TRMT9B: variants seen among roughly 807,000 people sequenced by gnomAD.
TRMT9B encodes tRNA methyltransferase 9B (putative).
TRMT9B carries 16 observed loss-of-function variants against 11.5 expected under a neutral mutation model. The ratio of observed to expected loss-of-function variants is 1.39; its 90% CI spans 0.94 to 2.11. The LOEUF (loss-of-function observed/expected upper bound fraction) is 2.11, where lower values mean the gene tolerates loss of function less well. Among genes scored for constraint, TRMT9B ranks in the 30% most tolerant of loss-of-function variants. The probability of loss-of-function intolerance (pLI) is 0.00; values close to 1 mark genes in which losing one functional copy is unlikely to be tolerated. For synonymous variants in TRMT9B, 274 were observed against 192.4 expected, an observed-to-expected ratio of 1.42 and a Z score of -3.51; for missense variants, 941 against 553.8, an observed-to-expected ratio of 1.70 and a Z score of -7.02.
chr8:12,958,582 T>G (rs554480281), intron 1 of TRMT9B: 41 of 165,630 alleles, frequency 2.5e-4, no homozygotes, highest in Non-Finnish European at 4.7e-4. Flanking sequence ...AGCTAGTTTT[T>G]CTGTCACAAC....
In TRMT9B at chr8:13,027,628, A is replaced by G. The variant is rs1814845284; in HGVS notation, c.*5584A>G. 2 of 167,228 alleles carry G rather than the reference A, an allele frequency of 1.2e-5. No homozygotes were observed. Among genetic ancestry groups the G allele is most frequent in the South Asian group, 2.1e-4 (1 of 4,822 alleles). The allele number at this position is 167,228 out of a possible 1,614,324, so 10.4% of individuals were successfully genotyped here. On this transcript the variant is annotated 3_prime_UTR_variant, in exon 5 of 5. Coordinates refer to ENST00000524591, the MANE Select transcript of TRMT9B (RefSeq NM_020844.3). Reference sequence around the variant, plus strand: ...AGACAAAGCTTTCATAAGAAATTACATAATGACAAGTAATTCCCACATTCC... The same window carrying G: ...AGACAAAGCTTTCATAAGAAATTACGTAATGACAAGTAATTCCCACATTCC...
intron 1 of TRMT9B, among the ~76,000 whole-genome samples, chr8:12,989,807 T>C (rs984277384): frequency 6.6e-6 from 1 of 152,232 alleles, no homozygotes; most frequent in South Asian, 2.1e-4. Flanking sequence ...TAAGATGCTT[T>C]GGTAGCTCTT....
chr8:12,953,760 A>G (rs1800946041), intron 1 of TRMT9B, among the ~76,000 whole-genome samples: 1 of 152,208 alleles, frequency 6.6e-6, no homozygotes, highest in South Asian at 2.1e-4. Context: ...TCATAGCAAG[A>G]AAATCACTTG....
chr8:12,959,430 C>A (rs182945831), intron 1 of TRMT9B, among the ~76,000 whole-genome samples: 3 of 151,158 alleles, frequency 2.0e-5, no homozygotes, highest in Non-Finnish European at 2.9e-5. Context: ...TATGTCCATG[C>A]AAATATGCCA....
chr8:12,994,675 C>A (rs867165153), intron 2 of TRMT9B, among the ~76,000 whole-genome samples: 4 of 152,086 alleles, frequency 2.6e-5, no homozygotes, highest in Admixed American at 2.6e-4. Context: ...CGACAAGAAA[C>A]GAACATTTTC....
Position 13,025,370 on chromosome 8 carries a change from T to C in TRMT9B, c.*3326T>C, listed in dbSNP as rs1462838572. The C allele has an allele frequency of 6.2e-6, 1 of 160,294 alleles. No individual in the cohort carries two copies. 9.9% of individuals were successfully genotyped at this position (160,294 alleles called of 1,614,324 possible). ...CCCGTCTTTATTAAATACAAAAAAT[T>C]AGCCAGGTTGGTGGCGCATGCCTGT... is the stretch of plus-strand genomic sequence containing the variant. On this transcript the variant is annotated 3_prime_UTR_variant, in exon 5 of 5. Coordinates refer to ENST00000524591, the MANE Select transcript of TRMT9B (RefSeq NM_020844.3).
intron 2 of TRMT9B, among the ~76,000 whole-genome samples, chr8:12,995,862 C>T (rs1055799231): frequency 6.6e-6 from 1 of 152,092 alleles, no homozygotes; most frequent in Non-Finnish European, 1.5e-5. Flanking sequence ...CAGATTTTTC[C>T]AATAACTGCA....
chr8:13,021,534 G>C lies in TRMT9B; in HGVS notation c.855G>C (p.Gln285His). Residue 285 changes from glutamine (Q) to histidine (H), a missense_variant, in exon 5 of 5, where the codon CAG becomes CAC. By Grantham distance (24) the Gln-to-His change is conservative (BLOSUM62 0). Coordinates refer to ENST00000524591, the MANE Select transcript of TRMT9B (RefSeq NM_020844.3). ...EVWASSTVTV[Q>H]PSRHSSLDFD... ...GGGCCAGTAGCACTGTAACAGTCCA[G>C]CCTTCCAGACACTCTAGTTTAGACT... The C allele has an allele frequency of 3.1e-6, 5 of 1,613,840 alleles. No homozygotes were observed. The highest frequency in any genetic ancestry group is 4.2e-6 in the Non-Finnish European group (5 of 1,179,768).
chr8:12,985,331 T>C (rs1349754487), intron 1 of TRMT9B, among the ~76,000 whole-genome samples: 2 of 152,208 alleles, frequency 1.3e-5, no homozygotes, highest in Admixed American at 6.5e-5. Context: ...CAGCTGTTCC[T>C]TTCCTTAGCA....
intron 1 of TRMT9B, among the ~76,000 whole-genome samples, chr8:12,973,455 A>G (rs556402773): frequency 7.9e-5 from 12 of 152,306 alleles, no homozygotes; most frequent in Middle Eastern, 3.4e-3. Flanking sequence ...GCCTGAAAAA[A>G]TCTAAAGGCT....
At chr8:13,005,989 A>G (rs2128890160) in intron 2 of TRMT9B, among the ~76,000 whole-genome samples, 1 of 152,360 alleles carries the variant, frequency 6.6e-6, no homozygotes. Context: ...GTTTTCCTTA[A>G]CATGGCAGGT....
intron 1 of TRMT9B, among the ~76,000 whole-genome samples, chr8:12,965,534 G>T (rs73204884): frequency 1.3e-5 from 2 of 152,268 alleles, no homozygotes; most frequent in African/African-American, 2.4e-5. Context: ...AAACTCATTA[G>T]TCCAAAGCTG....
chr8:12,997,026 A>G (rs576789699), intron 2 of TRMT9B, among the ~76,000 whole-genome samples: 7 of 137,844 alleles, frequency 5.1e-5, no homozygotes, highest in Non-Finnish European at 7.9e-5. Flanking sequence ...TCTTTGATCT[A>G]TCTATGGGCT....
chr8:13,000,917 C>T (rs1228008265), intron 2 of TRMT9B, among the ~76,000 whole-genome samples: 1 of 152,042 alleles, frequency 6.6e-6, no homozygotes, highest in East Asian at 1.9e-4. Context: ...AAATGAAGTA[C>T]CTCAGGACGC....
intron 1 of TRMT9B, among the ~76,000 whole-genome samples, chr8:12,965,633 C>T (rs2128865374): frequency 6.6e-6 from 1 of 150,866 alleles, no homozygotes; most frequent in Middle Eastern, 3.4e-3. Flanking sequence ...TTTTTTAAGC[C>T]CAAGGTAGAC....
intron 4 of TRMT9B, among the ~76,000 whole-genome samples, chr8:13,017,804 G>T: frequency 6.7e-6 from 1 of 150,316 alleles, no homozygotes; most frequent in Non-Finnish European, 1.5e-5. Flanking sequence ...TTATTTTTTT[G>T]GTAGAGATGG....
At chr8:13,018,562 A>G (rs1027757130) in intron 4 of TRMT9B, among the ~76,000 whole-genome samples, 1 of 152,152 alleles carries the variant, frequency 6.6e-6, no homozygotes, top group African/African-American at 2.4e-5. Flanking sequence ...AATTATCATT[A>G]TCTACAGTAG....
In TRMT9B at chr8:13,022,086, T is replaced by C; in HGVS notation, c.*42T>C. The C allele has an allele frequency of 2.1e-6, 3 of 1,405,674 alleles. No individual in the cohort carries two copies. In the South Asian group the frequency reaches 4.3e-5, roughly 20 times the overall value. 87.1% of individuals were successfully genotyped at this position (1,405,674 alleles called of 1,614,324 possible). A position where few individuals can be genotyped will look rare whatever the true frequency, so the allele number is the denominator to read the frequency against. On this transcript the variant is annotated 3_prime_UTR_variant, in exon 5 of 5. Transcript: ENST00000524591. The stretch of plus-strand genomic sequence containing the variant: ...AACTCCTCCAAAAGATGAACCACAT[T>C]CTTTCCTCTTGGTTTGATATGGTTA...
At chr8:12,968,036 C>G (rs985425230) in intron 1 of TRMT9B, among the ~76,000 whole-genome samples, 11 of 152,182 alleles carry the variant, frequency 7.2e-5, no homozygotes, top group African/African-American at 2.7e-4. Flanking sequence ...AGGCACACAC[C>G]ACCACACCCA....
Sources: gnomAD v4.1 joint callset for allele counts (sites outside exome capture counted in the v4.1 genomes callset) on GRCh38, gnomAD v4.1.1 for gene constraint, MANE v1.5 for transcripts, NCBI Gene and HGNC (gene_info 2026-07-23, HGNC 2026-07-21) for gene names.